The following TP63 variants were observed in gnomAD, a reference collection of about 807,000 sequenced individuals.
TP63 encodes tumor protein p63.
Under a neutral mutation model 82.8 loss-of-function variants are expected in TP63, and 17 were observed. The observed-to-expected ratio is 0.21, with a 90% CI of 0.14 to 0.31. The LOEUF (loss-of-function observed/expected upper bound fraction) is 0.31, where lower values mean the gene tolerates loss of function less well. Among genes scored for constraint, TP63 ranks in the 10% least tolerant of loss-of-function variants. The pLI is 1.00. For missense variants in TP63, 648 were observed against 895.3 expected (o/e 0.72, Z 3.52); for synonymous variants, 330 against 321.7 (o/e 1.03, Z -0.28).
At chr3:189,668,640 C>T (rs1714618675) in intron 1 of TP63, among the ~76,000 whole-genome samples, 1 of 151,960 alleles carries the variant, frequency 6.6e-6, no homozygotes, top group Admixed American at 6.6e-5. Context: ...GCATACAGGA[C>T]AATATCAAAG....
At chr3:189,841,145 T>A (rs531964803) in intron 4 of TP63, among the ~76,000 whole-genome samples, 1 of 152,260 alleles carries the variant, frequency 6.6e-6, no homozygotes, top group East Asian at 1.9e-4. Context: ...CATCCTGCAA[T>A]GTACATATAG....
intron 10 of TP63, among the ~76,000 whole-genome samples, chr3:189,878,582 A>AT (rs199868918): frequency 1.6e-5 from 2 of 122,486 alleles, no homozygotes; most frequent in South Asian, 2.9e-4. Context: ...TATATATATA[A>AT]TTTTTTTTTT....
chr3:189,683,684 C>A (rs961816385), intron 1 of TP63, among the ~76,000 whole-genome samples: 1 of 152,292 alleles, frequency 6.6e-6, no homozygotes, highest in South Asian at 2.1e-4. Flanking sequence ...CCAAACATGG[C>A]CAAGATGATT....
intron 4 of TP63, among the ~76,000 whole-genome samples, chr3:189,849,650 G>T (rs1715374041): frequency 1.3e-5 from 2 of 151,856 alleles, no homozygotes; most frequent in African/African-American, 4.8e-5. Context: ...CAAGACATGT[G>T]TCACAATTTT....
the TP63 span, among the ~76,000 whole-genome samples, chr3:189,611,941 T>G: frequency 6.6e-6 from 1 of 152,188 alleles, no homozygotes; most frequent in Non-Finnish European, 1.5e-5. Context: ...TTGTTGGTGG[T>G]GTATAGGAAT....
chr3:189,760,682 C>G (rs76130289), intron 3 of TP63, among the ~76,000 whole-genome samples: 9,079 of 152,222 alleles, frequency 0.06, 361 homozygotes, highest in Admixed American at 0.13. Flanking sequence ...AGAACACTGG[C>G]CCTCTTCTTA....
At chr3:189,868,795 T>C in intron 8 of TP63, 79 bp downstream of exon 8, 27 of 1,609,478 alleles carry the variant, frequency 1.7e-5, no homozygotes, top group Non-Finnish European at 2.3e-5. Flanking sequence ...TTGGAGAAGC[T>C]GCATGATAAG....
chr3:189,871,300 T>C (rs1187955374), intron 9 of TP63, among the ~76,000 whole-genome samples: 1 of 152,106 alleles, frequency 6.6e-6, no homozygotes, highest in Non-Finnish European at 1.5e-5. Context: ...TAGAGTTCAG[T>C]AGGATACAAT....
the TP63 span, among the ~76,000 whole-genome samples, chr3:189,615,000 G>A: frequency 6.6e-6 from 1 of 152,366 alleles, no homozygotes; most frequent in African/African-American, 2.4e-5. Context: ...TCCACAGGAT[G>A]ATTGTAGTAG....
intron 10 of TP63, among the ~76,000 whole-genome samples, chr3:189,875,609 T>TATATATATACAC (rs1553859653): frequency 2.2e-4 from 14 of 62,994 alleles, no homozygotes; most frequent in Non-Finnish European, 3.9e-4. Context: ...TATATATATA[T>TATATATATACAC]ATATATATAT....
At chr3:189,860,853 T>A (rs572122184) in intron 4 of TP63, among the ~76,000 whole-genome samples, 1 of 152,162 alleles carries the variant, frequency 6.6e-6, no homozygotes, top group African/African-American at 2.4e-5. Flanking sequence ...TGCTTTTAAT[T>A]TTTTTAGGTT....
chr3:189,864,456 T>A, intron 5 of TP63, 38 bp downstream of exon 5: 2 of 1,592,654 alleles, frequency 1.3e-6, no homozygotes, highest in Non-Finnish European at 1.7e-6. Flanking sequence ...TCAACCTCCT[T>A]GAAGGTCAAG....
At position 189,694,790 on chromosome 3, in the gene TP63, C is replaced by CTT. The variant is rs71175304; in HGVS notation, c.63-42918_63-42917dup. The stretch of plus-strand genomic sequence containing the variant: ...TTGAAAGGAGGCCAGTATTTACAGC[C>CTT]TTTTTTTTTTTTTTTTTTTTTTTTT... On this transcript the variant is annotated intron_variant, in intron 1 of 13. Coordinates refer to ENST00000264731, the MANE Select transcript of TP63 (RefSeq NM_003722.5). Among the ~76,000 whole-genome samples, 71 of 32,756 alleles carry CTT rather than the reference C, an allele frequency of 2.2e-3. 11 individuals carry two copies. Among genetic ancestry groups the CTT allele is most frequent in the African/African-American group, 7.3e-3 (65 of 8,954 alleles). The allele number at this position is 32,756 out of a possible 152,430, so 21.5% of individuals were successfully genotyped here. A position where few individuals can be genotyped will look rare whatever the true frequency, so the allele number is the denominator to read the frequency against.
chr3:189,834,968 T>G (rs1054173310), intron 4 of TP63, among the ~76,000 whole-genome samples: 40 of 151,556 alleles, frequency 2.6e-4, no homozygotes, highest in African/African-American at 9.2e-4. Flanking sequence ...GTCATATGTC[T>G]CTAAACATTT....
intron 4 of TP63, among the ~76,000 whole-genome samples, chr3:189,847,706 C>G (rs537604637): frequency 8.3e-4 from 127 of 152,262 alleles, no homozygotes; most frequent in African/African-American, 2.9e-3. Flanking sequence ...AACCCAGGAC[C>G]TGATGGAGTA....
At position 189,863,894 on chromosome 3, in the gene TP63, C is replaced by G. The variant is rs1374759377; in HGVS notation, c.580-338C>G. 3.3e-5 allele frequency among the ~76,000 whole-genome samples: 5 copies of G among 152,176 alleles called. No individual in the cohort carries two copies. The East Asian group carries it at 9.6e-4, about 29-fold the overall frequency. On this transcript the variant is annotated intron_variant, in intron 4 of 13. Coordinates refer to ENST00000264731, the MANE Select transcript of TP63 (RefSeq NM_003722.5). ...CCAATACTCTTCTTTCACTTAGCTT[C>G]TGGTAATCTATGAAGCTACTCGTGG...
intron 1 of TP63, among the ~76,000 whole-genome samples, chr3:189,721,365 C>A (rs1311033006): frequency 6.6e-6 from 1 of 152,032 alleles, no homozygotes; most frequent in Non-Finnish European, 1.5e-5. Context: ...ATACAATAAC[C>A]TTCTATTACA....
rs1187863560 is a variant in TP63, at chr3:189,894,678, T to C, written c.*176T>C. The C allele has an allele frequency of 6.6e-6, 5 of 762,354 alleles. No individual in the cohort carries two copies. The highest frequency in any genetic ancestry group is 1.0e-5 in the Non-Finnish European group (5 of 480,462). The allele number at this position is 762,354 out of a possible 1,614,324, so 47.2% of individuals were successfully genotyped here. On this transcript the variant is annotated 3_prime_UTR_variant, in exon 14 of 14. Transcript: ENST00000264731. ...TAACATCTGACCTGGCATCTAATTCTGATTCTGGCTTTAAGCCTTCAAAAC... is the reference window on the plus strand; with the variant it reads ...TAACATCTGACCTGGCATCTAATTCCGATTCTGGCTTTAAGCCTTCAAAAC...
At chr3:189,839,176 G>A (rs977687764) in intron 4 of TP63, among the ~76,000 whole-genome samples, 1 of 151,902 alleles carries the variant, frequency 6.6e-6, no homozygotes, top group African/African-American at 2.4e-5. Context: ...ATTTACACCT[G>A]GGCATCCATT....
Sources: allele counts gnomAD v4.1 joint callset (sites outside exome capture counted in the v4.1 genomes callset), GRCh38; gene constraint gnomAD v4.1.1; transcripts MANE v1.5; gene names NCBI Gene and HGNC (gene_info 2026-07-23, HGNC 2026-07-21).